The following ITPR2 variants were observed in gnomAD, a reference collection of about 807,000 sequenced individuals.
ITPR2 encodes the protein inositol 1,4,5-trisphosphate receptor type 2, also known as inositol 1,4,5-trisphosphate-gated calcium channel ITPR2.
In ITPR2, 207 loss-of-function variants were observed where a neutral mutation model predicts 317.1. The observed-to-expected ratio is 0.65, with a 90% confidence interval of 0.58 to 0.73. The LOEUF (loss-of-function observed/expected upper bound fraction) is 0.73. Among genes scored for constraint, ITPR2 ranks in the 30% least tolerant of loss-of-function variants. The pLI, the probability that ITPR2 is intolerant of heterozygous loss-of-function variation, is 0.00. For synonymous variants in ITPR2, 1,156 were observed against 1,149.1 expected (o/e 1.01, Z -0.12); for missense variants, 2,613 against 3,284.0 (o/e 0.80, Z 4.99).
intron 2 of ITPR2, among the ~76,000 whole-genome samples, chr12:26,768,297 G>C (rs746806361): frequency 6.7e-6 from 1 of 150,344 alleles, no homozygotes; most frequent in Non-Finnish European, 1.5e-5. Context: ...ATAGCAGTGG[G>C]AGATATACCT....
rs1289086657 is a variant in ITPR2, at chr12:26,415,342, T to C, written c.7267A>G (p.Met2423Val). 3.1e-6 allele frequency: 5 copies of C among 1,611,320 alleles called. No homozygotes were observed. The highest frequency in any genetic ancestry group is 4.2e-6 in the Non-Finnish European group (5 of 1,178,802). Residue 2423 changes from methionine to valine, a missense_variant, in exon 51 of 57, where the codon ATG (methionine) becomes GTG (valine). Around this residue, in one of 9 missense-constraint regions of ITPR2, gnomAD observed 113 missense variants for 129.2 expected, o/e 0.87. Coordinates refer to ENST00000381340, the MANE Select transcript of ITPR2 (RefSeq NM_002223.4). Reference protein sequence around the residue: ...GFLFLKDDFTMEVDRLKNRTP... With the variant: ...GFLFLKDDFTVEVDRLKNRTP... ...CGGTTTTTCAGCCTATCAACTTCCA[T>C]AGTGAAGTCATCCTTCAAAAAAAGG...
At chr12:26,538,756 T>C (rs539727003) in intron 37 of ITPR2, among the ~76,000 whole-genome samples, 4 of 152,156 alleles carry the variant, frequency 2.6e-5, no homozygotes, top group South Asian at 4.2e-4. Flanking sequence ...TTTGTGTTTT[T>C]AGTAGATACA....
At chr12:26,583,405 T>C (rs1321604107) in intron 32 of ITPR2, among the ~76,000 whole-genome samples, 1 of 152,134 alleles carries the variant, frequency 6.6e-6, no homozygotes. Flanking sequence ...ATATGTATTT[T>C]TGCATTCTAT....
At chr12:26,642,876 G>A (rs1947025515) in intron 21 of ITPR2, among the ~76,000 whole-genome samples, 1 of 152,120 alleles carries the variant, frequency 6.6e-6, no homozygotes, top group Non-Finnish European at 1.5e-5. Flanking sequence ...TTTCAGAAGT[G>A]AAGGTCTACT....
At chr12:26,621,004 G>T in intron 26 of ITPR2, 119 bp downstream of exon 26, 1 of 845,118 alleles carries the variant, frequency 1.2e-6, no homozygotes, top group Non-Finnish European at 1.8e-6. Context: ...AAAATTTTGT[G>T]CTCTGTTGCT....
At chr12:26,559,643 T>C (rs367570345) in intron 35 of ITPR2, among the ~76,000 whole-genome samples, 1 of 152,166 alleles carries the variant, frequency 6.6e-6, no homozygotes, top group Non-Finnish European at 1.5e-5. Flanking sequence ...GGCACAGCCA[T>C]AGCACCATGT....
Position 26,481,207 on chromosome 12 carries a change from T to A in ITPR2, c.6047A>T (p.Asp2016Val), listed in dbSNP as rs1337316645. The A allele has an allele frequency of 6.2e-7, 1 of 1,612,694 alleles. No homozygotes were observed. Among genetic ancestry groups the A allele is most frequent in the African/African-American group, 1.3e-5 (1 of 74,904 alleles). Reference protein sequence around the residue: ...CIATHESNGIDIIIALILNDI... With the variant: ...CIATHESNGIVIIIALILNDI... ...ATTCAGAATCAAAGCAATGATGATATCAATCCCATTAGACTCATGTGTAGC... is the reference window on the plus strand; with the variant it reads ...ATTCAGAATCAAAGCAATGATGATAACAATCCCATTAGACTCATGTGTAGC... The change falls in exon 43 of 57, where the codon GAT becomes GTT. Residue 2016 changes from aspartate (D) to valine (V), a missense_variant. Asp to Val is a radical substitution (Grantham distance 152, BLOSUM62 -3). Coordinates refer to ENST00000381340, the MANE Select transcript of ITPR2 (RefSeq NM_002223.4).
chr12:26,723,063 A>AG (rs993435449), intron 4 of ITPR2, among the ~76,000 whole-genome samples: 1 of 152,172 alleles, frequency 6.6e-6, no homozygotes, highest in Non-Finnish European at 1.5e-5. Flanking sequence ...ACCTTCTGCC[A>AG]GGGGATGCTG....
At chr12:26,577,032 C>T (rs935494136) in intron 34 of ITPR2, among the ~76,000 whole-genome samples, 2 of 152,238 alleles carry the variant, frequency 1.3e-5, no homozygotes, top group African/African-American at 4.8e-5. Context: ...CTTCTGCCTT[C>T]CCCCATGGGA....
rs1937944090 is a variant in ITPR2, at chr12:26,337,218, C to T, written c.*2179G>A. 6.6e-6 allele frequency: 1 copy of T among 151,958 alleles called. No individual in the cohort carries two copies. The highest frequency in any genetic ancestry group is 6.6e-5 in the Admixed American group (1 of 15,266). The allele number at this position is 151,958 out of a possible 1,614,324, so 9.4% of individuals were successfully genotyped here. A position where few individuals can be genotyped will look rare whatever the true frequency, so the allele number is the denominator to read the frequency against. On this transcript the variant is annotated 3_prime_UTR_variant, in exon 57 of 57. Transcript: ENST00000381340. ...ATTATATACACCTAATGGCTTATTC[C>T]CTACAAAATGAACTATTATGGTGTC...
intron 15 of ITPR2, among the ~76,000 whole-genome samples, chr12:26,662,741 T>A (rs1947530797): frequency 6.6e-6 from 1 of 152,168 alleles, no homozygotes. Flanking sequence ...AGTGTGATCA[T>A]AACTCACTAC....
intron 56 of ITPR2, 146 bp from the exon 57 acceptor site, chr12:26,339,629 TA>T (rs397741671): frequency 1.6e-6 from 1 of 631,416 alleles, no homozygotes; most frequent in Non-Finnish European, 2.8e-6. Context: ...GGGATTTTTT[TA>T]AAAGTGAATT....
chr12:26,339,537 G>A, intron 56 of ITPR2, 54 bp from the exon 57 acceptor site: 4 of 1,405,016 alleles, frequency 2.8e-6, no homozygotes, highest in Non-Finnish European at 4.0e-6. Flanking sequence ...CTTACCCAGT[G>A]CTGGTGGGCC....
At position 26,419,201 on chromosome 12, in the gene ITPR2, T is replaced by C. The variant is rs2136685654; in HGVS notation, c.6958A>G (p.Ile2320Val). 4 of 1,613,376 alleles carry C rather than the reference T, an allele frequency of 2.5e-6. No homozygotes were observed. Among genetic ancestry groups the C allele is most frequent in the Non-Finnish European group, 3.4e-6 (4 of 1,179,568 alleles). ...LLGAANLCNK[I>V]VFLVSFVGNR... The stretch of plus-strand genomic sequence containing the variant: ...CCAACAAAACTCACCAGAAAAACAA[T>C]TTTATTACAAAGCTAAAGGGAGGAA... The change falls in exon 50 of 57, where the codon ATT becomes GTT. Residue 2320 changes from isoleucine to valine, a missense_variant. By Grantham distance (29) the Ile-to-Val change is conservative (BLOSUM62 3). Coordinates refer to ENST00000381340, the MANE Select transcript of ITPR2 (RefSeq NM_002223.4).
At chr12:26,474,918 C>A (rs1213440469) in intron 45 of ITPR2, among the ~76,000 whole-genome samples, 1 of 152,128 alleles carries the variant, frequency 6.6e-6, no homozygotes, top group Admixed American at 6.5e-5. Flanking sequence ...AAACTACCTG[C>A]CGAATTTGTC....
At chr12:26,579,629 G>A (rs1945350135) in intron 33 of ITPR2, among the ~76,000 whole-genome samples, 1 of 151,886 alleles carries the variant, frequency 6.6e-6, no homozygotes, top group Non-Finnish European at 1.5e-5. Context: ...ATGTTTAATT[G>A]ATTAAATTTT....
chr12:26,683,462 G>C (rs4133728), intron 11 of ITPR2, among the ~76,000 whole-genome samples: 12,787 of 152,228 alleles, frequency 0.084, 603 homozygotes, highest in Middle Eastern at 0.15. Flanking sequence ...GCACAAGAAG[G>C]TTGTGATGTG....
chr12:26,484,804 C>T (rs151261088), intron 41 of ITPR2, among the ~76,000 whole-genome samples: 9,352 of 152,164 alleles, frequency 0.061, 413 homozygotes, highest in Non-Finnish European at 0.087. Context: ...CTCCGCCTCC[C>T]GGGTTCACGC....
chr12:26,494,306 C>T lies in ITPR2; in HGVS notation c.5217G>A (p.Gly1739=). 6.2e-7 allele frequency: 1 copy of T among 1,611,228 alleles called. No individual in the cohort carries two copies. Among genetic ancestry groups the T allele is most frequent in the Non-Finnish European group, 8.5e-7 (1 of 1,179,050 alleles). Reference sequence around the variant, plus strand: ...GACACTGAATGTCTGACATTGATATCCCCATCTTATCTGAATCTTGTCCAG... The same window carrying T: ...GACACTGAATGTCTGACATTGATATTCCCATCTTATCTGAATCTTGTCCAG... ...SFSGQDSDKM[G]ISMSDIQCLL... The change falls in exon 39 of 57, where the codon GGG becomes GGA. Residue 1739 remains glycine, a synonymous_variant. Coordinates refer to ENST00000381340, the MANE Select transcript of ITPR2 (RefSeq NM_002223.4).
Sources: gnomAD v4.1 joint callset for allele counts (sites outside exome capture counted in the v4.1 genomes callset) on GRCh38, gnomAD v4.1.1 for gene constraint, gnomAD v4.1.1 regional missense constraint, MANE v1.5 for transcripts, NCBI Gene and HGNC (gene_info 2026-07-23, HGNC 2026-07-21) for gene names.